SP100: variants seen among roughly 807,000 people sequenced by gnomAD.
SP100 encodes nuclear autoantigen Sp-100.
Under a neutral mutation model 130.0 loss-of-function variants are expected in SP100, and 84 were observed. The ratio of observed to expected loss-of-function variants is 0.65; its 90% confidence interval spans 0.54 to 0.77. The LOEUF (loss-of-function observed/expected upper bound fraction) is 0.77, where lower values mean the gene tolerates loss of function less well. Among genes scored for constraint, SP100 ranks in the 30% least tolerant of loss-of-function variants. The pLI, the probability that SP100 is intolerant of heterozygous loss-of-function variation, is 0.00. For synonymous variants in SP100, 331 were observed against 351.7 expected (o/e 0.94, Z 0.66); for missense variants, 978 against 1,052.2 (o/e 0.93, Z 0.97).
chr2:230,459,943 C>T (rs1219451561), intron 8 of SP100, among the ~76,000 whole-genome samples: 1 of 152,194 alleles, frequency 6.6e-6, no homozygotes. Flanking sequence ...GGATGTCTAC[C>T]ACGCACCTGC....
intron 8 of SP100, among the ~76,000 whole-genome samples, chr2:230,454,566 A>G (rs987888631): frequency 1.3e-5 from 2 of 152,014 alleles, no homozygotes; most frequent in African/African-American, 2.4e-5. Context: ...TTGGGAGTGT[A>G]CTTAATTTCC....
intron 2 of SP100, among the ~76,000 whole-genome samples, chr2:230,418,060 C>T (rs893069080): frequency 1.3e-5 from 2 of 152,146 alleles, no homozygotes; most frequent in Admixed American, 6.5e-5. Flanking sequence ...GTGGCAGATT[C>T]GCTGCTACCG....
In SP100 at chr2:230,541,120, C is replaced by G; in HGVS notation, c.2331+124C>G. On this transcript the variant is annotated intron_variant, in intron 26 of 28. Transcript: ENST00000340126. ...AACTGCTGGCCTATGGTGTGCTTTGCTCCATGACCTAACGCTACAATTCAT... is the reference window on the plus strand; with the variant it reads ...AACTGCTGGCCTATGGTGTGCTTTGGTCCATGACCTAACGCTACAATTCAT... 3 of 1,297,844 alleles carry G rather than the reference C, an allele frequency of 2.3e-6. No homozygotes were observed. The South Asian group carries it at 4.2e-5, about 18-fold the overall frequency. The allele number at this position is 1,297,844 out of a possible 1,614,324, so 80.4% of individuals were successfully genotyped here.
At chr2:230,464,818 C>T (rs2064852608) in intron 11 of SP100, among the ~76,000 whole-genome samples, 1 of 152,100 alleles carries the variant, frequency 6.6e-6, no homozygotes, top group South Asian at 2.1e-4. Flanking sequence ...TATGACCAGG[C>T]GCAGTGGCTC....
chr2:230,494,479 A>G lies in SP100; in HGVS notation c.1645+19A>G. On this transcript the variant is annotated intron_variant, in intron 18 of 28. Transcript: ENST00000340126. ...CAAAGAGGTAAGAAGAAATGTGGGG[A>G]TTTACTCCTTTGAACTCGCTGTGGT... 6.3e-7 allele frequency: 1 copy of G among 1,589,594 alleles called. No homozygotes were observed. Among genetic ancestry groups the G allele is most frequent in the Non-Finnish European group, 8.6e-7 (1 of 1,157,862 alleles).
At chr2:230,531,940 T>C (rs1381347129) in intron 24 of SP100, among the ~76,000 whole-genome samples, 1 of 152,148 alleles carries the variant, frequency 6.6e-6, no homozygotes, top group African/African-American at 2.4e-5. Context: ...CTAATTTTCA[T>C]GTATTTGCTG....
chr2:230,436,826 TTAGC>T lies in SP100; in HGVS notation c.108-6108_108-6105del, dbSNP rs770874747. Reference sequence around the variant, plus strand: ...TATTTTATTTTCATGTCCTATTGCATTAGCTAAAGCTTCTAAAATATGTATATGT... The same window carrying T: ...TATTTTATTTTCATGTCCTATTGCATTAAAGCTTCTAAAATATGTATATGT... On this transcript the variant is annotated intron_variant, in intron 2 of 28. Coordinates refer to ENST00000340126, the MANE Select transcript of SP100 (RefSeq NM_001080391.2). Among the ~76,000 whole-genome samples, 54 of 126,512 alleles carry T rather than the reference TTAGC, an allele frequency of 4.3e-4. 1 individual carries two copies. The highest frequency in any genetic ancestry group is 7.8e-5 in the Admixed American group (1 of 12,822). 83.0% of individuals were successfully genotyped at this position (126,512 alleles called of 152,430 possible). A position where few individuals can be genotyped will look rare whatever the true frequency, so the allele number is the denominator to read the frequency against.
At chr2:230,449,224 C>G (rs2063847736) in intron 6 of SP100, 74 bp downstream of exon 6, 1 of 1,446,828 alleles carries the variant, frequency 6.9e-7, no homozygotes, top group African/African-American at 1.4e-5. Flanking sequence ...GGGGTTGCCT[C>G]TTTGTGTTAA....
At chr2:230,494,529 C>T in intron 18 of SP100, 69 bp downstream of exon 18, 1 of 1,192,878 alleles carries the variant, frequency 8.4e-7, no homozygotes, top group Non-Finnish European at 1.2e-6. Context: ...CAGACCCCAT[C>T]TTTGCTGCAG....
intron 2 of SP100, among the ~76,000 whole-genome samples, chr2:230,436,963 CAT>C (rs56663620): frequency 1.8e-3 from 159 of 86,298 alleles, no homozygotes; most frequent in African/African-American, 1.9e-3. Flanking sequence ...TATACACACA[CAT>C]ATATATGTGT....
At chr2:230,495,066 C>T (rs1575739884) in intron 18 of SP100, among the ~76,000 whole-genome samples, 2 of 152,168 alleles carry the variant, frequency 1.3e-5, no homozygotes, top group Admixed American at 6.5e-5. Flanking sequence ...CAGATCCAGC[C>T]TTTTTGTCAC....
chr2:230,536,239 G>A (rs1691934564), intron 24 of SP100, among the ~76,000 whole-genome samples: 1 of 152,146 alleles, frequency 6.6e-6, no homozygotes, highest in African/African-American at 2.4e-5. Context: ...GGGTGGCTAT[G>A]TGGGTCACCC....
chr2:230,473,192 A>C, intron 15 of SP100, 132 bp from the exon 16 acceptor site: 1 of 591,784 alleles, frequency 1.7e-6, no homozygotes, highest in Non-Finnish European at 3.1e-6. Context: ...CCACAAAAGA[A>C]AAAGAGATTT....
At chr2:230,492,610 T>C (rs1028332709) in intron 17 of SP100, among the ~76,000 whole-genome samples, 1 of 152,174 alleles carries the variant, frequency 6.6e-6, no homozygotes, top group Admixed American at 6.5e-5. Flanking sequence ...CTAACCCTTC[T>C]CATATTTTTT....
chr2:230,535,056 C>T (rs1691868114), intron 24 of SP100, among the ~76,000 whole-genome samples: 1 of 152,124 alleles, frequency 6.6e-6, no homozygotes, highest in Non-Finnish European at 1.5e-5. Flanking sequence ...ATTAGCCGGG[C>T]ATGGTGGCAG....
At chr2:230,491,940 T>G (rs574405443) in intron 17 of SP100, among the ~76,000 whole-genome samples, 3 of 152,252 alleles carry the variant, frequency 2.0e-5, no homozygotes, top group Non-Finnish European at 4.4e-5. Flanking sequence ...ACTCATTTCC[T>G]ATTTTTTCAG....
intron 24 of SP100, among the ~76,000 whole-genome samples, chr2:230,524,387 AG>A (rs1691329510): frequency 1.3e-5 from 2 of 151,186 alleles, no homozygotes; most frequent in South Asian, 4.2e-4. Flanking sequence ...AGAAAAGAAA[AG>A]GAAAAAAAAC....
rs138099255 is a variant in SP100 at position 230,430,361 on chromosome 2, C to A, written c.108-12576C>A. On this transcript the variant is annotated intron_variant, in intron 2 of 28. Coordinates refer to ENST00000340126, the MANE Select transcript of SP100 (RefSeq NM_001080391.2). ...GCCTTAAGCTACTGTTAGGTATGGT[C>A]ACAGGCTGGGCTCTGTGATTAGGCA... Among the ~76,000 whole-genome samples the A allele has an allele frequency of 2.7e-3, 407 of 152,326 alleles. 4 individuals are homozygous for A. The highest frequency in any genetic ancestry group is 9.2e-3 in the African/African-American group (381 of 41,558).
At chr2:230,432,739 A>G (rs2149879436) in intron 2 of SP100, among the ~76,000 whole-genome samples, 1 of 152,294 alleles carries the variant, frequency 6.6e-6, no homozygotes, top group East Asian at 1.9e-4. Flanking sequence ...ATCTGAATAC[A>G]AGTAGTTTAT....
Sources: allele counts gnomAD v4.1 joint callset (sites outside exome capture counted in the v4.1 genomes callset), GRCh38; gene constraint gnomAD v4.1.1; transcripts MANE v1.5; gene names NCBI Gene and HGNC (gene_info 2026-07-23, HGNC 2026-07-21).